Variants in VAV1 observed in about 807,000 individuals in gnomAD.
VAV1 encodes vav guanine nucleotide exchange factor 1.
A neutral mutation model predicts 128.1 loss-of-function variants in VAV1; 33 were observed. The observed-to-expected ratio is 0.26, with a 90% confidence interval of 0.20 to 0.34. The LOEUF (loss-of-function observed/expected upper bound fraction) is 0.34. Ranked by LOEUF, VAV1 falls within the 10% of genes least tolerant of loss-of-function variation. The pLI is 1.00. For synonymous variants in VAV1, 394 were observed against 409.8 expected, an observed-to-expected ratio of 0.96 and a Z score of 0.47; for missense variants, 715 against 1,093.7, an observed-to-expected ratio of 0.65 and a Z score of 4.88.
chr19:6,776,688 C>T (rs1970651535), intron 1 of VAV1, among the ~76,000 whole-genome samples: 1 of 151,612 alleles, frequency 6.6e-6, no homozygotes, highest in Admixed American at 6.6e-5. Context: ...ACCCATCCAC[C>T]CACCCACCCA....
chr19:6,826,538 C>T lies in VAV1; in HGVS notation c.828-74C>T. ...TCTTCTCCAGCGGGGAAGAGCAAGG[C>T]CAGGGCTGACGCCAGCCTCTGCCCG... On this transcript the variant is annotated intron_variant, in intron 8 of 26. Coordinates refer to ENST00000602142, the MANE Select transcript of VAV1 (RefSeq NM_005428.4). This position sits in a 1 kb window ranked among gnomAD's most constrained non-coding sequence, Gnocchi z 4.1. 1.7e-6 allele frequency: 2 copies of T among 1,175,170 alleles called. No homozygotes were observed. The highest frequency in any genetic ancestry group is 1.3e-5 in the South Asian group (1 of 76,576). 72.8% of individuals were successfully genotyped at this position (1,175,170 alleles called of 1,614,324 possible). A position where few individuals can be genotyped will look rare whatever the true frequency, so the allele number is the denominator to read the frequency against.
chr19:6,829,697 G>A (rs998872353), intron 13 of VAV1, 89 bp from the exon 14 acceptor site: 37 of 1,574,052 alleles, frequency 2.4e-5, no homozygotes, highest in Non-Finnish European at 3.1e-5. Context: ...AGAAGGGCAG[G>A]GTGGGACCAG....
chr19:6,804,890 A>AT (rs1214814713), intron 1 of VAV1, among the ~76,000 whole-genome samples: 1 of 151,414 alleles, frequency 6.6e-6, no homozygotes, highest in Non-Finnish European at 1.5e-5. Context: ...TGCCCGGCTA[A>AT]TTTTTTGTAT....
chr19:6,808,065 C>A (rs1971435234), intron 1 of VAV1, among the ~76,000 whole-genome samples: 2 of 150,960 alleles, frequency 1.3e-5, no homozygotes, highest in Admixed American at 1.3e-4. Context: ...ATAATCCCAG[C>A]ACTTTGGGAG....
intron 1 of VAV1, among the ~76,000 whole-genome samples, chr19:6,804,873 G>A (rs915323756): frequency 1.8e-4 from 28 of 151,672 alleles, no homozygotes; most frequent in East Asian, 7.8e-4. Context: ...ACAGGCGCCC[G>A]CCACCATGCC....
chr19:6,834,981 T>A (rs1488271294), intron 19 of VAV1, among the ~76,000 whole-genome samples: 3 of 151,604 alleles, frequency 2.0e-5, no homozygotes, highest in Admixed American at 6.6e-5. Flanking sequence ...AGTTCAAGGT[T>A]GCAGTGAGCC....
intron 1 of VAV1, among the ~76,000 whole-genome samples, chr19:6,785,049 G>A (rs767363682): frequency 3.9e-5 from 6 of 152,110 alleles, no homozygotes; most frequent in Non-Finnish European, 7.4e-5. Flanking sequence ...CAGCCAAATC[G>A]GCCACCCAGC....
chr19:6,808,910 G>T (rs552397765), intron 1 of VAV1, among the ~76,000 whole-genome samples: 1 of 152,112 alleles, frequency 6.6e-6, no homozygotes, highest in African/African-American at 2.4e-5. Context: ...CTAGGTGCTT[G>T]TCTCTGCTCC....
chr19:6,825,226 C>G (rs566185948), intron 7 of VAV1, 77 bp from the exon 8 acceptor site: 2 of 1,571,854 alleles, frequency 1.3e-6, no homozygotes, highest in African/African-American at 1.4e-5. Flanking sequence ...CGGCATGGGG[C>G]GGGTGGATGA....
At chr19:6,800,809 T>TGC (rs1971250287) in intron 1 of VAV1, among the ~76,000 whole-genome samples, 1 of 149,152 alleles carries the variant, frequency 6.7e-6, no homozygotes, top group South Asian at 2.2e-4. Context: ...TGTGTGTGTG[T>TGC]GCAGTCGGGG....
chr19:6,774,580 G>A (rs1322946056), intron 1 of VAV1, among the ~76,000 whole-genome samples: 9 of 149,886 alleles, frequency 6.0e-5, no homozygotes, highest in East Asian at 2.0e-4. Context: ...GATTACAGGC[G>A]CCCACCACCA....
chr19:6,831,740 C>T (rs1164197750), intron 14 of VAV1, among the ~76,000 whole-genome samples: 2 of 152,172 alleles, frequency 1.3e-5, no homozygotes, highest in Non-Finnish European at 2.9e-5. Context: ...ACTGCTCTGT[C>T]CCCAGCTCCT....
Position 6,798,216 on chromosome 19 carries a change from G to T in VAV1, c.205-22486G>T, listed in dbSNP as rs181319682. ...CGCTTGAACCTGGGAGGCGGAGGTT[G>T]CAGTGAGCGGAGATCGCATCATTGC... is the stretch of plus-strand genomic sequence containing the variant. On this transcript the variant is annotated intron_variant, in intron 1 of 26. Transcript: ENST00000602142. Among the ~76,000 whole-genome samples the T allele has an allele frequency of 2.0e-4, 31 of 152,098 alleles. 1 individual carries two copies. The East Asian group carries it at 6.0e-3, about 30-fold the overall frequency.
At chr19:6,810,074 G>A (rs574242594) in intron 1 of VAV1, among the ~76,000 whole-genome samples, 1 of 152,250 alleles carries the variant, frequency 6.6e-6, no homozygotes. Context: ...CAACACTCAG[G>A]AGGTTGAGGC....
intron 1 of VAV1, among the ~76,000 whole-genome samples, chr19:6,788,933 C>T (rs1267168666): frequency 2.0e-5 from 3 of 152,204 alleles, no homozygotes; most frequent in African/African-American, 7.2e-5. Context: ...ATTTCTGATT[C>T]TCAGTCCTGT....
chr19:6,811,454 C>T (rs757188070), intron 1 of VAV1, among the ~76,000 whole-genome samples: 9 of 152,106 alleles, frequency 5.9e-5, no homozygotes, highest in Non-Finnish European at 1.0e-4. Flanking sequence ...CCAGCACAGG[C>T]GTCTTCGTTG....
chr19:6,826,479 C>T lies in VAV1; in HGVS notation c.828-133C>T. ...CACATGGGAGATGCTATTGTTATGC[C>T]CATTTCACAGATGGAGAAACTGGGA... On this transcript the variant is annotated intron_variant, in intron 8 of 26. Transcript: ENST00000602142. The surrounding 1 kb of genome is among the most constrained non-coding windows in gnomAD (Gnocchi z 4.1). 1.5e-6 allele frequency: 1 copy of T among 660,792 alleles called. No homozygotes were observed. The highest frequency in any genetic ancestry group is 2.7e-6 in the Non-Finnish European group (1 of 365,976). 40.9% of individuals were successfully genotyped at this position (660,792 alleles called of 1,614,324 possible).
intron 22 of VAV1, 79 bp downstream of exon 22, chr19:6,843,245 G>C (rs111299196): frequency 2.0e-4 from 308 of 1,502,952 alleles, no homozygotes; most frequent in Non-Finnish European, 2.8e-4. Flanking sequence ...AGGAACCTCC[G>C]AGCCAATTAG....
At chr19:6,827,955 A>T (rs1971958771) in intron 9 of VAV1, 121 bp from the exon 10 acceptor site, 1 of 791,780 alleles carries the variant, frequency 1.3e-6, no homozygotes, top group East Asian at 2.6e-5. Context: ...CTCTAGAAAA[A>T]TTCCCACAGC....
Sources: gnomAD v4.1 joint callset for allele counts (sites outside exome capture counted in the v4.1 genomes callset) on GRCh38, gnomAD v4.1.1 for gene constraint, Gnocchi (gnomAD v3.1) non-coding constraint, MANE v1.5 for transcripts, NCBI Gene and HGNC (gene_info 2026-07-23, HGNC 2026-07-21) for gene names.